UNKL: variants seen among roughly 807,000 people sequenced by gnomAD.
The protein encoded by UNKL is unk like zinc finger, also known as putative E3 ubiquitin-protein ligase UNKL.
UNKL carries 60 observed loss-of-function variants against 78.0 expected under a neutral mutation model. The ratio of observed to expected loss-of-function variants is 0.77; its 90% CI spans 0.63 to 0.95. The LOEUF is 0.95. UNKL is among the 40% of genes least tolerant of loss of function. The probability of loss-of-function intolerance (pLI) is 0.00; values close to 1 mark genes in which losing one functional copy is unlikely to be tolerated. For synonymous variants in UNKL, 608 were observed against 474.8 expected (o/e 1.28, Z -3.65); for missense variants, 1,159 against 1,045.7 (o/e 1.11, Z -1.49).
At chr16:1,396,674 A>C (rs1290957651) in intron 6 of UNKL, among the ~76,000 whole-genome samples, 2 of 152,014 alleles carry the variant, frequency 1.3e-5, no homozygotes, top group Non-Finnish European at 2.9e-5. Context: ...GCTCACTGCA[A>C]GCTCCGCCTC....
intron 9 of UNKL, among the ~76,000 whole-genome samples, chr16:1,386,339 G>C (rs535842982): frequency 6.6e-6 from 1 of 152,276 alleles, no homozygotes; most frequent in East Asian, 1.9e-4. Context: ...GATCACCTGA[G>C]ATCAGGAGTT....
chr16:1,393,987 A>AC (rs976164890), intron 7 of UNKL, 144 bp downstream of exon 7: 17 of 789,274 alleles, frequency 2.2e-5, no homozygotes, highest in Non-Finnish European at 3.4e-5. Flanking sequence ...CATGTCAGGG[A>AC]CCCCCAGCCC....
At chr16:1,370,619 G>A in intron 11 of UNKL, among the ~76,000 whole-genome samples, 1 of 152,146 alleles carries the variant, frequency 6.6e-6, no homozygotes, top group Non-Finnish European at 1.5e-5. Context: ...GTTTAACATG[G>A]GCCCCCCCCA....
Position 1,371,625 on chromosome 16 carries a change from C to T in UNKL, c.1265-14G>A. 2.0e-6 allele frequency: 3 copies of T among 1,535,588 alleles called. No homozygotes were observed. The highest frequency in any genetic ancestry group is 2.6e-6 in the Non-Finnish European group (3 of 1,146,480). On this transcript the variant is annotated splice_polypyrimidine_tract_variant and intron_variant, in intron 10 of 14. Coordinates refer to ENST00000389221, the MANE Select transcript of UNKL (RefSeq NM_001372107.1). ...CTAACGCAGAACCTGTCAACAGAGC[C>T]CCCCATCATCCACAGCCCACCCAGC...
At position 1,403,122 on chromosome 16, in the gene UNKL, C is replaced by G; in HGVS notation, c.464+46G>C. Reference sequence around the variant, plus strand: ...GAGTTCCTGCTCATCCAGCAGAGCCCACAGCAGCAGGCAGGCCAAGTGCCC... The same window carrying G: ...GAGTTCCTGCTCATCCAGCAGAGCCGACAGCAGCAGGCAGGCCAAGTGCCC... On this transcript the variant is annotated intron_variant, in intron 3 of 14. Coordinates refer to ENST00000389221, the MANE Select transcript of UNKL (RefSeq NM_001372107.1). This position sits in a 1 kb window ranked among gnomAD's most constrained non-coding sequence, Gnocchi z 4.8. 1 of 1,571,378 alleles carries G rather than the reference C, an allele frequency of 6.4e-7. No homozygotes were observed.
chr16:1,388,401 G>A (rs369396291), intron 9 of UNKL, among the ~76,000 whole-genome samples: 15 of 152,212 alleles, frequency 9.9e-5, no homozygotes, highest in African/African-American at 3.1e-4. Context: ...CCTCCTTCCC[G>A]CCTGTCTGCA....
chr16:1,368,571 C>T (rs951945063), intron 12 of UNKL, among the ~76,000 whole-genome samples: 18 of 127,806 alleles, frequency 1.4e-4, no homozygotes, highest in Non-Finnish European at 1.9e-4. Context: ...CACTGCAGTC[C>T]GCAGTCCGGC....
intron 2 of UNKL, among the ~76,000 whole-genome samples, chr16:1,410,286 G>A (rs1260724175): frequency 2.0e-5 from 3 of 149,262 alleles, no homozygotes; most frequent in African/African-American, 7.4e-5. Context: ...AAAAAAGAGA[G>A]AAAAAGATGC....
chr16:1,411,806 C>CA (rs1437033227), intron 2 of UNKL: 3 of 152,254 alleles, frequency 2.0e-5, no homozygotes, highest in Non-Finnish European at 2.9e-5. Context: ...GCCTGGGTGA[C>CA]AGAGACTTCG....
At chr16:1,398,998 G>C (rs1596743813) in intron 5 of UNKL, 2 of 1,470,486 alleles carry the variant, frequency 1.4e-6, no homozygotes, top group East Asian at 2.5e-5. Context: ...TGGCAGCTTG[G>C]GTGAGGAGAC....
chr16:1,376,129 CCCTCCTCCCTCCAGGGCTGGGGCGCT>C (rs1345070446), intron 10 of UNKL, among the ~76,000 whole-genome samples: 2 of 148,284 alleles, frequency 1.3e-5, no homozygotes, highest in African/African-American at 2.5e-5. Context: ...GCACGCTCCT[CCCTCCTCCCTCCAGGGCTGGGGCGCT>C]CCTCCTCCCT....
In UNKL at chr16:1,370,298, G is replaced by T; in HGVS notation, c.1417C>A (p.Pro473Thr). 1 of 1,534,380 alleles carries T rather than the reference G, an allele frequency of 6.5e-7. No homozygotes were observed. The highest frequency in any genetic ancestry group is 8.7e-7 in the Non-Finnish European group (1 of 1,145,934). Residue 473 changes from proline to threonine, a missense_variant, in exon 12 of 15, where the codon CCA (proline) becomes ACA (threonine). Pro to Thr is a conservative substitution (Grantham distance 38). Coordinates refer to ENST00000389221, the MANE Select transcript of UNKL (RefSeq NM_001372107.1). ...GCAGAGGATGGCGAGTGTAGCGATG[G>T]TGCTCTGGGCAGGGAGCCGGGGATG... ...VAIPGSLPRA[P>T]SLHSPSSAST...
chr16:1,389,288 G>A (rs528102111), intron 9 of UNKL, among the ~76,000 whole-genome samples: 113 of 152,312 alleles, frequency 7.4e-4, no homozygotes, highest in African/African-American at 2.6e-3. Context: ...AGTAATTAAG[G>A]TGAAATGAGT....
intron 2 of UNKL, among the ~76,000 whole-genome samples, 193 bp downstream of exon 2, chr16:1,413,653 C>G (rs1596790813): frequency 6.6e-6 from 1 of 152,246 alleles, no homozygotes; most frequent in Non-Finnish European, 1.5e-5. Flanking sequence ...CATAATCCCT[C>G]GGGAACTGGC....
intron 9 of UNKL, among the ~76,000 whole-genome samples, chr16:1,386,933 A>T (rs2036841133): frequency 6.6e-6 from 1 of 152,158 alleles, no homozygotes; most frequent in South Asian, 2.1e-4. Context: ...CAGGTGCGAG[A>T]AGGGGCCTGC....
At chr16:1,375,629 C>A (rs1331282816) in intron 10 of UNKL, among the ~76,000 whole-genome samples, 1 of 152,168 alleles carries the variant, frequency 6.6e-6, no homozygotes, top group African/African-American at 2.4e-5. Context: ...TAGGGACTTT[C>A]GAAGGTCTTA....
intron 10 of UNKL, chr16:1,383,447 G>C (rs1447087391): frequency 4.8e-6 from 1 of 206,528 alleles, no homozygotes; most frequent in Non-Finnish European, 1.1e-5. Context: ...CTGAGAGCGG[G>C]GCCCTGGGTG....
Position 1,363,206 on chromosome 16 carries a change from A to C in UNKL, c.*3034T>G. The C allele has an allele frequency of 2.3e-6, 2 of 863,210 alleles. No individual in the cohort carries two copies. The highest frequency in any genetic ancestry group is 3.8e-6 in the Non-Finnish European group (2 of 530,190). 53.5% of individuals were successfully genotyped at this position (863,210 alleles called of 1,614,324 possible). A position where few individuals can be genotyped will look rare whatever the true frequency, so the allele number is the denominator to read the frequency against. On this transcript the variant is annotated 3_prime_UTR_variant, in exon 15 of 15. Transcript: ENST00000389221. ...TGTGCTCAGAGAAGCAGACAAAACA[A>C]AGATTCAAGGTTTTAATTAATTCCC...
intron 1 of UNKL, 151 bp from the exon 2 acceptor site, chr16:1,414,206 C>T: frequency 1.3e-6 from 1 of 757,624 alleles, no homozygotes; most frequent in African/African-American, 1.8e-5. Context: ...GCGCCCACCC[C>T]CATCCCGACT....
Sources: allele counts gnomAD v4.1 joint callset (sites outside exome capture counted in the v4.1 genomes callset), GRCh38; gene constraint gnomAD v4.1.1; non-coding constraint Gnocchi (gnomAD v3.1); transcripts MANE v1.5; gene names NCBI Gene and HGNC (gene_info 2026-07-23, HGNC 2026-07-21).